The following NAT16 variants were observed in gnomAD, a reference collection of about 807,000 sequenced individuals.
NAT16 encodes the protein N-acetyltransferase 16 (putative), also known as probable N-acetyltransferase 16.
NAT16 carries 16 observed loss-of-function variants against 15.9 expected under a neutral mutation model. The ratio of observed to expected loss-of-function variants is 1.01; its 90% CI spans 0.68 to 1.53. The LOEUF is 1.53. Among genes scored for constraint, NAT16 ranks in the 40% most tolerant of loss-of-function variants. The pLI, the probability that NAT16 is intolerant of heterozygous loss-of-function variation, is 0.00. For missense variants in NAT16, 572 were observed against 508.4 expected (o/e 1.13, Z -1.20); for synonymous variants, 260 against 241.9 (o/e 1.07, Z -0.69).
At chr7:101,179,850 G>A (rs1172861635) in intron 1 of NAT16, among the ~76,000 whole-genome samples, 192 bp downstream of exon 1, 1 of 151,894 alleles carries the variant, frequency 6.6e-6, no homozygotes, top group Non-Finnish European at 1.5e-5. Context: ...GAGGGGGGCG[G>A]GGGAGCGCTT....
chr7:101,173,754 G>T, intron 2 of NAT16: 1 of 531,508 alleles, frequency 1.9e-6, no homozygotes, highest in Non-Finnish European at 3.3e-6. Context: ...TTTAGGACAG[G>T]GTCTCCTCAC....
At chr7:101,175,207 A>C (rs953342863) in intron 1 of NAT16, among the ~76,000 whole-genome samples, 1 of 151,920 alleles carries the variant, frequency 6.6e-6, no homozygotes, top group Non-Finnish European at 1.5e-5. Context: ...CTCCTACCTC[A>C]GCTTCCCAAA....
rs745871200 is a variant in NAT16, at chr7:101,172,153, AG to A, written c.1035del (p.Phe346SerfsTer11). ...TCCAGTCCCAGCCCGACCTGGCAGA[AG>A]TCAGCCAGCTGTGACCACAGCTGGG... ...LEPQLWSQLA[D>X]FCQVGLGLEL... On this transcript the variant is annotated frameshift_variant, in exon 4 of 4. Coordinates refer to ENST00000300303, the MANE Select transcript of NAT16 (RefSeq NM_198571.3). LOFTEE classifies it high-confidence loss of function. This position sits in a 1 kb window ranked among gnomAD's most constrained non-coding sequence, Gnocchi z 4.2. 1 of 1,614,010 alleles carries A rather than the reference AG, an allele frequency of 6.2e-7. No individual in the cohort carries two copies. Among genetic ancestry groups the A allele is most frequent in the South Asian group, 1.1e-5 (1 of 91,082 alleles).
At chr7:101,178,889 C>CAAAAAAA (rs71126381) in intron 1 of NAT16, among the ~76,000 whole-genome samples, 5,033 of 61,706 alleles carry the variant, frequency 0.082, 699 homozygotes, top group African/African-American at 0.086. Flanking sequence ...GAAACGCTGT[C>CAAAAAAA]AAAAAAAAAA....
At position 101,174,489 on chromosome 7, in the gene NAT16, G is replaced by A; in HGVS notation, c.312+7C>T. The A allele has an allele frequency of 6.2e-7, 1 of 1,606,490 alleles. No homozygotes were observed. Among genetic ancestry groups the A allele is most frequent in the Non-Finnish European group, 8.5e-7 (1 of 1,176,912 alleles). ...CCATGTCACCTGGGCCGTGCCCCCG[G>A]GCTCACCACGCCTCCGTTGCGCTTG... On this transcript the variant is annotated splice_region_variant and intron_variant, in intron 2 of 3. Coordinates refer to ENST00000300303, the MANE Select transcript of NAT16 (RefSeq NM_198571.3).
chr7:101,174,130 A>C (rs1053881157), intron 2 of NAT16: 16 of 328,398 alleles, frequency 4.9e-5, no homozygotes, highest in African/African-American at 2.7e-4. Flanking sequence ...GCCACGCCCC[A>C]CTTCCTCTTA....
In NAT16 at chr7:101,171,934, G is replaced by T; in HGVS notation, c.*145C>A. Reference sequence around the variant, plus strand: ...TAAGGGCAAAAGGGACAGAGTGGGGGGACCTGCGCCGGTAAGGGCAGGAGG... The same window carrying T: ...TAAGGGCAAAAGGGACAGAGTGGGGTGACCTGCGCCGGTAAGGGCAGGAGG... On this transcript the variant is annotated 3_prime_UTR_variant, in exon 4 of 4. Coordinates refer to ENST00000300303, the MANE Select transcript of NAT16 (RefSeq NM_198571.3). The T allele has an allele frequency of 1.6e-6, 1 of 618,944 alleles. No homozygotes were observed. The highest frequency in any genetic ancestry group is 2.0e-5 in the South Asian group (1 of 50,974). The allele number at this position is 618,944 out of a possible 1,614,324, so 38.3% of individuals were successfully genotyped here.
In NAT16 at chr7:101,172,178, G is replaced by C. The variant is rs1797338707; in HGVS notation, c.1011C>G (p.Pro337=). The change falls in exon 4 of 4, where the codon CCC becomes CCG. Residue 337 remains proline, a synonymous_variant. Transcript: ENST00000300303. This position sits in a 1 kb window ranked among gnomAD's most constrained non-coding sequence, Gnocchi z 4.2. ...AGTCAGCCAGCTGTGACCACAGCTGGGGCTCCAGGAAGAGCTGGCACATGA... is the reference window on the plus strand; with the variant it reads ...AGTCAGCCAGCTGTGACCACAGCTGCGGCTCCAGGAAGAGCTGGCACATGA... The part of the protein sequence containing the change: ...LNVMCQLFLE[P]QLWSQLADFC... 1 of 1,613,980 alleles carries C rather than the reference G, an allele frequency of 6.2e-7. No homozygotes were observed. The highest frequency in any genetic ancestry group is 1.1e-5 in the South Asian group (1 of 91,072).
chr7:101,177,046 G>GA (rs1487084052), intron 1 of NAT16, among the ~76,000 whole-genome samples: 1 of 152,146 alleles, frequency 6.6e-6, no homozygotes, highest in African/African-American at 2.4e-5. Context: ...TTCAAGACAA[G>GA]AGTTCTATCT....
At position 101,171,881 on chromosome 7, in the gene NAT16, G is replaced by T. The variant is rs1007516335; in HGVS notation, c.*198C>A. ...AGTTCAGGTCAGGGAGTGGGCAATG[G>T]TGTTTGGGGGAGCTAGAGGCAAGAT... On this transcript the variant is annotated 3_prime_UTR_variant, in exon 4 of 4. Transcript: ENST00000300303. 14 of 576,824 alleles carry T rather than the reference G, an allele frequency of 2.4e-5. No individual in the cohort carries two copies. The highest frequency in any genetic ancestry group is 4.3e-5 in the Non-Finnish European group (14 of 326,024). The allele number at this position is 576,824 out of a possible 1,614,324, so 35.7% of individuals were successfully genotyped here. A position where few individuals can be genotyped will look rare whatever the true frequency, so the allele number is the denominator to read the frequency against.
At chr7:101,179,001 G>T (rs1797532819) in intron 1 of NAT16, 1 of 151,878 alleles carries the variant, frequency 6.6e-6, no homozygotes, top group Non-Finnish European at 1.5e-5. Context: ...TTTGGGGAGG[G>T]GGTGATCAGA....
rs764722492 is a variant in NAT16, at chr7:101,172,312, T to A, written c.877A>T (p.Thr293Ser). 25 of 1,609,970 alleles carry A rather than the reference T, an allele frequency of 1.6e-5. No individual in the cohort carries two copies. The South Asian group carries it at 2.8e-4, about 18-fold the overall frequency. Residue 293 changes from threonine to serine, a missense_variant, in exon 4 of 4, where the codon ACT becomes TCT. Coordinates refer to ENST00000300303, the MANE Select transcript of NAT16 (RefSeq NM_198571.3). This position sits in a 1 kb window ranked among gnomAD's most constrained non-coding sequence, Gnocchi z 4.2. Reference protein sequence around the residue: ...PFPIPHGGDGTWRYLNIDAFG... With the variant: ...PFPIPHGGDGSWRYLNIDAFG... ...GCGTCGATGTTGAGATAGCGCCAAGTGCCGTCCCCTCCGTGCGGGATGGGG... is the reference window on the plus strand; with the variant it reads ...GCGTCGATGTTGAGATAGCGCCAAGAGCCGTCCCCTCCGTGCGGGATGGGG...
In NAT16 at chr7:101,174,578, A is replaced by G. The variant is rs762726335; in HGVS notation, c.230T>C (p.Leu77Pro). 1.9e-6 allele frequency: 3 copies of G among 1,613,774 alleles called. No homozygotes were observed. The highest frequency in any genetic ancestry group is 2.2e-5 in the South Asian group (2 of 91,072). ...LAISGGIYGG[L>P]DYLPSRYHSW... ...GTGGTAGCGGCTAGGAAGGTAGTCC[A>G]GGCCGCCGTAGATGCCCCCCGAGAT... The change falls in exon 2 of 4, where the codon CTG (leucine) becomes CCG (proline). Residue 77 changes from leucine to proline, a missense_variant. By Grantham distance (98) the Leu-to-Pro change is moderately conservative. Coordinates refer to ENST00000300303, the MANE Select transcript of NAT16 (RefSeq NM_198571.3).
At position 101,174,951 on chromosome 7, in the gene NAT16, C is replaced by CTTAT. The variant is rs144103741; in HGVS notation, c.-4-144_-4-141dup. 1,327 of 1,129,628 alleles carry CTTAT rather than the reference C, an allele frequency of 1.2e-3. 14 individuals carry two copies. The African/African-American group carries it at 0.019, about 16-fold the overall frequency. 70.0% of individuals were successfully genotyped at this position (1,129,628 alleles called of 1,614,324 possible). On this transcript the variant is annotated intron_variant, in intron 1 of 3. Transcript: ENST00000300303. ...TTTCTTTTATTTATTTACTTATTTA[C>CTTAT]TTATTTATTTATTTATTTTTTGAGA... is the stretch of plus-strand genomic sequence containing the variant.
chr7:101,174,623 T>C lies in NAT16; in HGVS notation c.185A>G (p.Glu62Gly). ...PLDFVVATER[E>G]FEEVLAISGG... ...CGAGATGGCCAGCACTTCCTCAAAC[T>C]CCCGTTCCGTGGCCACCACGAAGTC... The change falls in exon 2 of 4, where the codon GAG becomes GGG. Residue 62 changes from glutamate (E) to glycine (G), a missense_variant. By Grantham distance (98) the Glu-to-Gly change is moderately conservative. Transcript: ENST00000300303. 1 of 1,613,970 alleles carries C rather than the reference T, an allele frequency of 6.2e-7. No individual in the cohort carries two copies. Among genetic ancestry groups the C allele is most frequent in the East Asian group, 2.2e-5 (1 of 44,860 alleles).
chr7:101,173,744 T>G (rs140230585), intron 2 of NAT16: 7,805 of 539,324 alleles, frequency 0.014, 104 homozygotes, highest in Non-Finnish European at 0.015. Context: ...TTATTTTAAA[T>G]TTAGGACAGG....
At chr7:101,173,620 G>A in intron 2 of NAT16, 100 bp from the exon 3 acceptor site, 1 of 1,111,774 alleles carries the variant, frequency 9.0e-7, no homozygotes. Context: ...TGAGCACTCC[G>A]CGTCACCACC....
intron 2 of NAT16, 109 bp downstream of exon 2, chr7:101,174,387 C>T: frequency 4.3e-6 from 6 of 1,390,802 alleles, no homozygotes; most frequent in South Asian, 1.5e-5. Context: ...TCTATTTCCG[C>T]AGCCTCCAGA....
rs751664579 is a variant in NAT16, at chr7:101,172,636, G to C, written c.553C>G (p.Arg185Gly). Residue 185 changes from arginine to glycine, a missense_variant, in exon 4 of 4, where the codon CGA becomes GGA. By Grantham distance (125) the Arg-to-Gly change is moderately radical. Transcript: ENST00000300303. The surrounding 1 kb of genome is among the most constrained non-coding windows in gnomAD (Gnocchi z 4.2). ...GCCAGCAGCGCGGACGCGTTGAATCGGACCAAAAGGATGCCCTGCGGGGGG... is the reference window on the plus strand; with the variant it reads ...GCCAGCAGCGCGGACGCGTTGAATCCGACCAAAAGGATGCCCTGCGGGGGG... The part of the protein sequence containing the change: ...LITKQGILLV[R>G]FNASALLAGL... 1 of 1,516,632 alleles carries C rather than the reference G, an allele frequency of 6.6e-7. No individual in the cohort carries two copies. The highest frequency in any genetic ancestry group is 8.8e-7 in the Non-Finnish European group (1 of 1,141,162). 93.9% of individuals were successfully genotyped at this position (1,516,632 alleles called of 1,614,324 possible).
Sources: gnomAD v4.1 joint callset for allele counts (sites outside exome capture counted in the v4.1 genomes callset) on GRCh38, gnomAD v4.1.1 for gene constraint, Gnocchi (gnomAD v3.1) non-coding constraint, MANE v1.5 for transcripts, NCBI Gene and HGNC (gene_info 2026-07-23, HGNC 2026-07-21) for gene names.